KIAA1549L: variants seen among roughly 807,000 people sequenced by gnomAD.
The protein encoded by KIAA1549L is KIAA1549 like.
Under a neutral mutation model 160.7 loss-of-function variants are expected in KIAA1549L, and 88 were observed. That is an observed-to-expected ratio of 0.55 (90% confidence interval 0.46 to 0.65). KIAA1549L has a LOEUF of 0.65. Ranked by LOEUF, KIAA1549L falls within the 30% of genes least tolerant of loss-of-function variation. The pLI is 0.00. For missense variants in KIAA1549L, 2,258 were observed against 2,437.5 expected, an observed-to-expected ratio of 0.93 and a Z score of 1.55; for synonymous variants, 950 against 976.7, an observed-to-expected ratio of 0.97 and a Z score of 0.51.
In KIAA1549L at chr11:33,376,749, C is replaced by T. The variant is rs1451534466; in HGVS notation, c.98C>T (p.Ala33Val). Residue 33 changes from alanine to valine, a missense_variant, in exon 1 of 21, where the codon GCT becomes GTT. Ala to Val is a moderately conservative substitution (Grantham distance 64). This residue lies in a region of KIAA1549L where 540 missense variants were observed against 465.7 expected (regional missense o/e 1.16). Transcript: ENST00000658780. This position sits in a 1 kb window ranked among gnomAD's most constrained non-coding sequence, Gnocchi z 5.8. ...GRPVARGLGRAAWGAARCTGV... is the reference protein window; with the variant it reads ...GRPVARGLGRVAWGAARCTGV... The stretch of plus-strand genomic sequence containing the variant: ...CCCGTGGCGCGTGGGCTTGGTCGGG[C>T]TGCCTGGGGAGCCGCGCGCTGCACG... The T allele has an allele frequency of 6.6e-6, 1 of 151,512 alleles. No homozygotes were observed. The highest frequency in any genetic ancestry group is 1.5e-5 in the Non-Finnish European group (1 of 67,942). 9.4% of individuals were successfully genotyped at this position (151,512 alleles called of 1,614,324 possible). A position where few individuals can be genotyped will look rare whatever the true frequency, so the allele number is the denominator to read the frequency against.
intron 16 of KIAA1549L, among the ~76,000 whole-genome samples, chr11:33,639,697 G>T (rs993150647): frequency 6.6e-6 from 1 of 152,014 alleles, no homozygotes; most frequent in East Asian, 1.9e-4. Context: ...GCGCTACCTC[G>T]CCTGGCTAAT....
At chr11:33,589,170 T>C (rs1849969758) in intron 11 of KIAA1549L, among the ~76,000 whole-genome samples, 1 of 152,200 alleles carries the variant, frequency 6.6e-6, no homozygotes, top group Non-Finnish European at 1.5e-5. Flanking sequence ...ATGCTCATCA[T>C]CACTGGCCAT....
intron 16 of KIAA1549L, among the ~76,000 whole-genome samples, chr11:33,631,350 A>G (rs1851282057): frequency 6.6e-6 from 1 of 151,954 alleles, no homozygotes; most frequent in African/African-American, 2.4e-5. Flanking sequence ...GTGGTTTCTC[A>G]TCTCCGGGTT....
At chr11:33,607,730 A>G (rs945295236) in intron 14 of KIAA1549L, among the ~76,000 whole-genome samples, 1 of 152,190 alleles carries the variant, frequency 6.6e-6, no homozygotes, top group Non-Finnish European at 1.5e-5. Flanking sequence ...GGAACATGCT[A>G]TGGCCCTACA....
Position 33,668,315 on chromosome 11 carries a change from C to A in KIAA1549L, c.*161C>A. ...ATGGGGCTTCTGGGAACAGGAAACTCTTGAACGACTAGATTCTTGGCTCAT... is the reference window on the plus strand; with the variant it reads ...ATGGGGCTTCTGGGAACAGGAAACTATTGAACGACTAGATTCTTGGCTCAT... On this transcript the variant is annotated 3_prime_UTR_variant, in exon 21 of 21. Transcript: ENST00000658780. The A allele has an allele frequency of 1.5e-6, 1 of 685,950 alleles. No homozygotes were observed. The highest frequency in any genetic ancestry group is 1.8e-5 in the African/African-American group (1 of 55,470). 42.5% of individuals were successfully genotyped at this position (685,950 alleles called of 1,614,324 possible). A position where few individuals can be genotyped will look rare whatever the true frequency, so the allele number is the denominator to read the frequency against.
chr11:33,566,477 G>A (rs1855053074), intron 8 of KIAA1549L, among the ~76,000 whole-genome samples: 1 of 152,296 alleles, frequency 6.6e-6, no homozygotes, highest in South Asian at 2.1e-4. Context: ...AGTGGGAACA[G>A]CACAACTCTT....
chr11:33,635,569 T>G (rs1851415222), intron 16 of KIAA1549L, among the ~76,000 whole-genome samples: 1 of 152,200 alleles, frequency 6.6e-6, no homozygotes, highest in South Asian at 2.1e-4. Flanking sequence ...TCCTGGAAAG[T>G]GTGGGCTTGT....
intron 1 of KIAA1549L, among the ~76,000 whole-genome samples, chr11:33,414,713 T>C (rs1850854322): frequency 6.6e-6 from 1 of 152,058 alleles, no homozygotes; most frequent in African/African-American, 2.4e-5. Context: ...TTGAAAAGGG[T>C]ATTGTATTAT....
chr11:33,600,010 G>T (rs746113426), intron 13 of KIAA1549L, among the ~76,000 whole-genome samples: 1 of 150,328 alleles, frequency 6.7e-6, no homozygotes, highest in Non-Finnish European at 1.5e-5. Context: ...TTTTTTTTCC[G>T]ACTGAAAACG....
intron 1 of KIAA1549L, among the ~76,000 whole-genome samples, chr11:33,453,304 C>T (rs1166273452): frequency 6.6e-6 from 1 of 152,154 alleles, no homozygotes; most frequent in African/African-American, 2.4e-5. Context: ...TGGCTTCTTC[C>T]AGATCTTGGG....
In KIAA1549L at chr11:33,598,876, C is replaced by T. The variant is rs751823556; in HGVS notation, c.4808C>T (p.Ser1603Leu). 5 of 1,613,916 alleles carry T rather than the reference C, an allele frequency of 3.1e-6. No individual in the cohort carries two copies. The highest frequency in any genetic ancestry group is 4.2e-6 in the Non-Finnish European group (5 of 1,179,846). ...AGCAACGAATCAGGGAAGCCCAGCT[C>T]AGGGAGACGCTCACCCCAGAATGTA... is the stretch of plus-strand genomic sequence containing the variant. ...VISNESGKPS[S>L]GRRSPQNVMA... The change falls in exon 13 of 21, where the codon TCA (serine) becomes TTA (leucine). Residue 1603 changes from serine (S) to leucine (L), a missense_variant. Ser to Leu is a moderately radical substitution (Grantham distance 145). This residue lies in a region of KIAA1549L where 1,359 missense variants were observed against 1,546.6 expected (regional missense o/e 0.88). Transcript: ENST00000658780.
intron 10 of KIAA1549L, 140 bp from the exon 11 acceptor site, chr11:33,583,198 A>T (rs1161162375): frequency 1.4e-6 from 1 of 713,142 alleles, no homozygotes; most frequent in Admixed American, 3.0e-5. Flanking sequence ...GCGGAGGTGG[A>T]GGCTTTCTAA....
In KIAA1549L at chr11:33,551,275, G is replaced by A; in HGVS notation, c.3721+16G>A. The A allele has an allele frequency of 6.2e-7, 1 of 1,605,770 alleles. No individual in the cohort carries two copies. Among genetic ancestry groups the A allele is most frequent in the Non-Finnish European group, 8.5e-7 (1 of 1,175,018 alleles). ...CTAAAAACAGGCAAGTGACTCGGAA[G>A]GAAGGGATTTTCATCCATTCTTGGG... On this transcript the variant is annotated intron_variant, in intron 5 of 20. Transcript: ENST00000658780.
At chr11:33,391,600 A>G (rs1417785224) in intron 1 of KIAA1549L, among the ~76,000 whole-genome samples, 1 of 152,160 alleles carries the variant, frequency 6.6e-6, no homozygotes, top group African/African-American at 2.4e-5. Context: ...TCTGAGAAGG[A>G]GACTGGGAGT....
Position 33,660,871 on chromosome 11 carries a change from G to C in KIAA1549L, c.6016G>C (p.Val2006Leu), listed in dbSNP as rs1345565876. 6 of 1,613,672 alleles carry C rather than the reference G, an allele frequency of 3.7e-6. No individual in the cohort carries two copies. Among genetic ancestry groups the C allele is most frequent in the African/African-American group, 1.3e-5 (1 of 74,870 alleles). Residue 2006 changes from valine to leucine, a missense_variant, in exon 20 of 21, where the codon GTG (valine) becomes CTG (leucine). By Grantham distance (32) the Val-to-Leu change is conservative. Around this residue, in one of 6 missense-constraint regions of KIAA1549L, gnomAD observed 1,359 missense variants for 1,546.6 expected, o/e 0.88. Coordinates refer to ENST00000658780, the MANE Select transcript of KIAA1549L (RefSeq NM_012194.3). ...CATTTCCTCCATGCCAGGTAATACG[G>C]TGCCAGCAGTGTTCGCCATCCCAGC... ...QSALNYSGNT[V>L]PAVFAIPAAN...
In KIAA1549L at chr11:33,542,940, G is replaced by A; in HGVS notation, c.1377G>A (p.Gly459=). Residue 459 remains glycine, a synonymous_variant, in exon 2 of 21, where the codon GGG becomes GGA. Transcript: ENST00000658780. ...HLSAAPENSR[G]PALSAEHTSS... is the part of the protein sequence containing the mutation. ...CAGCAGCTCCAGAGAATTCCAGAGG[G>A]CCCGCCCTTTCGGCAGAACACACCT... is the stretch of plus-strand genomic sequence containing the variant. 6.2e-7 allele frequency: 1 copy of A among 1,614,034 alleles called. No individual in the cohort carries two copies. The highest frequency in any genetic ancestry group is 8.5e-7 in the Non-Finnish European group (1 of 1,179,904).
intron 1 of KIAA1549L, among the ~76,000 whole-genome samples, chr11:33,393,762 G>A (rs1310148254): frequency 1.3e-5 from 2 of 152,208 alleles, no homozygotes; most frequent in African/African-American, 4.8e-5. Context: ...AAGGTCTAGG[G>A]TACGAAGGTG....
chr11:33,459,773 AAAACGGTG>A (rs1029242042), intron 1 of KIAA1549L, among the ~76,000 whole-genome samples: 1 of 150,996 alleles, frequency 6.6e-6, no homozygotes, highest in African/African-American at 2.4e-5. Context: ...CATCCCGGCT[AAAACGGTG>A]AAACCCCGTC....
intron 1 of KIAA1549L, among the ~76,000 whole-genome samples, chr11:33,446,598 T>C (rs1314351209): frequency 6.6e-6 from 1 of 152,128 alleles, no homozygotes; most frequent in Non-Finnish European, 1.5e-5. Flanking sequence ...TCAGGGTCTG[T>C]CATGAGTTTA....
Sources: gnomAD v4.1 joint callset for allele counts (sites outside exome capture counted in the v4.1 genomes callset) on GRCh38, gnomAD v4.1.1 for gene constraint, gnomAD v4.1.1 regional missense constraint, Gnocchi (gnomAD v3.1) non-coding constraint, MANE v1.5 for transcripts, NCBI Gene and HGNC (gene_info 2026-07-23, HGNC 2026-07-21) for gene names.